F13A1: variants seen among roughly 807,000 people sequenced by gnomAD.
F13A1 encodes the protein coagulation factor XIII A chain, also known as FSF, A subunit.
In F13A1, 47 loss-of-function variants were observed where a neutral mutation model predicts 80.1. The ratio of observed to expected loss-of-function variants is 0.59; its 90% CI spans 0.46 to 0.75. The LOEUF is 0.75. F13A1 is among the 30% of genes least tolerant of loss of function. The pLI is 0.00. For synonymous variants in F13A1, 349 were observed against 344.9 expected (o/e 1.01, Z -0.13); for missense variants, 817 against 930.4 (o/e 0.88, Z 1.59).
chr6:6,316,075 G>GTGTGTA, intron 2 of F13A1, among the ~76,000 whole-genome samples: 1 of 75,674 alleles, frequency 1.3e-5, no homozygotes, highest in Non-Finnish European at 2.5e-5. Context: ...CTATGTGTGT[G>GTGTGTA]TGCATATATA....
chr6:6,186,753 C>A (rs1380125540), intron 10 of F13A1, among the ~76,000 whole-genome samples: 1 of 151,932 alleles, frequency 6.6e-6, no homozygotes, highest in African/African-American at 2.4e-5. Flanking sequence ...TTTTCCAATT[C>A]TGTGAAGAAA....
At chr6:6,265,854 G>A (rs764065954) in intron 4 of F13A1, among the ~76,000 whole-genome samples, 1 of 152,176 alleles carries the variant, frequency 6.6e-6, no homozygotes, top group African/African-American at 2.4e-5. Context: ...GACTCTAATA[G>A]TTTTGATAAT....
Position 6,305,542 on chromosome 6 carries a change from A to G in F13A1, c.131-3T>C. ...AACGCTCGTGACATTAAGAAACTCT[A>G]TGAACAAGAAAAACAAGGGTTGAAG... On this transcript the variant is annotated splice_polypyrimidine_tract_variant and splice_region_variant and intron_variant, in intron 2 of 14. Transcript: ENST00000264870. 1.2e-6 allele frequency: 2 copies of G among 1,614,122 alleles called. No individual in the cohort carries two copies. The highest frequency in any genetic ancestry group is 1.7e-6 in the Non-Finnish European group (2 of 1,179,960).
At chr6:6,147,623 G>A (rs1265329835) in intron 14 of F13A1, among the ~76,000 whole-genome samples, 1 of 152,152 alleles carries the variant, frequency 6.6e-6, no homozygotes, top group African/African-American at 2.4e-5. Flanking sequence ...AGCACTTTGT[G>A]AAACAGTGGC....
chr6:6,293,385 C>T (rs923683755), intron 3 of F13A1, among the ~76,000 whole-genome samples: 6 of 152,030 alleles, frequency 3.9e-5, no homozygotes, highest in Admixed American at 3.9e-4. Flanking sequence ...GTTAGTAAAA[C>T]CTGTGATTAC....
At chr6:6,157,232 G>GC (rs1190235149) in intron 13 of F13A1, among the ~76,000 whole-genome samples, 1 of 152,020 alleles carries the variant, frequency 6.6e-6, no homozygotes, top group Non-Finnish European at 1.5e-5. Context: ...CTTCTCTACA[G>GC]CCCTATGGTC....
At chr6:6,229,786 A>G (rs925755303) in intron 6 of F13A1, among the ~76,000 whole-genome samples, 1 of 152,228 alleles carries the variant, frequency 6.6e-6, no homozygotes, top group Non-Finnish European at 1.5e-5. Flanking sequence ...CAACTATGCA[A>G]GTGGGAAAGG....
Position 6,174,830 on chromosome 6 carries a change from C to G in F13A1, c.1497G>C (p.Leu499=), listed in dbSNP as rs779083014. 2 of 1,614,044 alleles carry G rather than the reference C, an allele frequency of 1.2e-6. No individual in the cohort carries two copies. Among genetic ancestry groups the G allele is most frequent in the Admixed American group, 1.7e-5 (1 of 60,000 alleles). The part of the protein sequence containing the change: ...EEERLALETA[L]MYGAKKPLNT... ...TGAGGGGCTTTTTAGCTCCGTACAT[C>G]AGGGCAGTTTCTAGGGCCAATCTCT... Residue 499 remains leucine, a synonymous_variant, in exon 12 of 15, where the codon CTG becomes CTC. Coordinates refer to ENST00000264870, the MANE Select transcript of F13A1 (RefSeq NM_000129.4).
At chr6:6,199,031 T>C (rs1761343816) in intron 8 of F13A1, among the ~76,000 whole-genome samples, 1 of 152,224 alleles carries the variant, frequency 6.6e-6, no homozygotes, top group Non-Finnish European at 1.5e-5. Flanking sequence ...CTGCTGTGTG[T>C]TGTGGCTGGA....
At chr6:6,170,137 A>G (rs1760745950) in intron 12 of F13A1, among the ~76,000 whole-genome samples, 1 of 152,220 alleles carries the variant, frequency 6.6e-6, no homozygotes. Flanking sequence ...GAATGGATGA[A>G]GTGGCAAGGT....
At chr6:6,260,859 G>GGA (rs1384834020) in intron 4 of F13A1, among the ~76,000 whole-genome samples, 1 of 152,206 alleles carries the variant, frequency 6.6e-6, no homozygotes, top group African/African-American at 2.4e-5. Flanking sequence ...GAGAACAGTA[G>GGA]GAGAGAGAGA....
intron 10 of F13A1, among the ~76,000 whole-genome samples, chr6:6,190,296 C>T (rs375034497): frequency 5.9e-5 from 9 of 152,336 alleles, no homozygotes; most frequent in South Asian, 4.1e-4. Flanking sequence ...GGAGGAGAGG[C>T]GCTCTTCTTT....
chr6:6,155,682 G>A (rs1760460679), intron 13 of F13A1, among the ~76,000 whole-genome samples: 1 of 151,976 alleles, frequency 6.6e-6, no homozygotes, highest in South Asian at 2.1e-4. Context: ...TGTAACTGGA[G>A]GTGTCTCCCT....
At chr6:6,160,841 C>G (rs974758874) in intron 13 of F13A1, among the ~76,000 whole-genome samples, 1 of 146,584 alleles carries the variant, frequency 6.8e-6, no homozygotes, top group African/African-American at 2.6e-5. Flanking sequence ...GTCAATTGTC[C>G]TCATTTTAAA....
At chr6:6,317,573 G>C (rs755812061) in intron 2 of F13A1, among the ~76,000 whole-genome samples, 4 of 152,038 alleles carry the variant, frequency 2.6e-5, no homozygotes, top group Non-Finnish European at 5.9e-5. Flanking sequence ...TGGCTTGCTG[G>C]ATAAACTGCA....
At chr6:6,220,793 G>T (rs901100531) in intron 8 of F13A1, among the ~76,000 whole-genome samples, 5 of 152,016 alleles carry the variant, frequency 3.3e-5, no homozygotes, top group African/African-American at 1.2e-4. Flanking sequence ...TGTCTTACAC[G>T]TGCCCTCCAG....
chr6:6,208,902 A>G (rs1761545657), intron 8 of F13A1, among the ~76,000 whole-genome samples: 1 of 152,178 alleles, frequency 6.6e-6, no homozygotes, highest in South Asian at 2.1e-4. Context: ...AAAACAGAGG[A>G]GCAAATCTTT....
intron 11 of F13A1, 118 bp downstream of exon 11, chr6:6,181,870 T>C: frequency 9.2e-7 from 1 of 1,087,470 alleles, no homozygotes; most frequent in Non-Finnish European, 1.4e-6. Flanking sequence ...ATACTTCTGC[T>C]GTTGCTACCA....
At chr6:6,199,049 G>A (rs866605353) in intron 8 of F13A1, among the ~76,000 whole-genome samples, 5 of 152,204 alleles carry the variant, frequency 3.3e-5, no homozygotes, top group Middle Eastern at 3.2e-3. Context: ...GGAGCATAGC[G>A]TGTTTGAACA....
Sources: gnomAD v4.1 joint callset for allele counts (sites outside exome capture counted in the v4.1 genomes callset) on GRCh38, gnomAD v4.1.1 for gene constraint, MANE v1.5 for transcripts, NCBI Gene and HGNC (gene_info 2026-07-23, HGNC 2026-07-21) for gene names.